Variants in METTL15 observed in about 807,000 individuals in gnomAD.
METTL15 encodes methyltransferase 15, mitochondrial 12S rRNA N4-cytidine, also known as 12S rRNA N(4)-cytidine methyltransferase METTL15.
In METTL15, 34 loss-of-function variants were observed where a neutral mutation model predicts 38.3. The observed-to-expected ratio is 0.89, with a 90% CI of 0.68 to 1.18. METTL15 has a LOEUF of 1.18. METTL15 is among the 50% of genes most tolerant of loss of function. The pLI is 0.00. For synonymous variants in METTL15, 162 were observed against 170.9 expected (o/e 0.95, Z 0.41); for missense variants, 438 against 498.4 (o/e 0.88, Z 1.15).
chr11:28,122,206 A>G, intron 3 of METTL15: 1 of 1,246,708 alleles, frequency 8.0e-7, no homozygotes, highest in South Asian at 1.4e-5. Flanking sequence ...TTTTAAAATG[A>G]GAATGTTTAT....
chr11:28,338,428 A>G (rs1193791128), downstream of METTL15, among the ~76,000 whole-genome samples: 1 of 152,080 alleles, frequency 6.6e-6, no homozygotes, highest in East Asian at 1.9e-4. Context: ...TCTCTACAAG[A>G]TTTGATCATG....
At chr11:28,368,231 A>T (rs1850208156) in intron 5 of METTL15, among the ~76,000 whole-genome samples, 1 of 152,032 alleles carries the variant, frequency 6.6e-6, no homozygotes, top group Non-Finnish European at 1.5e-5. Flanking sequence ...AGAATGGGAG[A>T]AAAGTTTTGC....
chr11:28,465,117 C>A (rs1317417467), intron 6 of METTL15, among the ~76,000 whole-genome samples: 2 of 152,186 alleles, frequency 1.3e-5, no homozygotes, highest in Admixed American at 1.3e-4. Context: ...TTCCCCTTGG[C>A]ATTTTCTTAT....
intron 4 of METTL15, among the ~76,000 whole-genome samples, chr11:28,255,181 C>A (rs1377579771): frequency 6.6e-6 from 1 of 152,004 alleles, no homozygotes; most frequent in Non-Finnish European, 1.5e-5. Context: ...TCTTTCACTA[C>A]TTTGGTTAAA....
chr11:28,326,488 TG>T (rs1849637878), intron 6 of METTL15, among the ~76,000 whole-genome samples: 5 of 152,148 alleles, frequency 3.3e-5, no homozygotes, highest in African/African-American at 1.2e-4. Context: ...CCTTTGTGGT[TG>T]GATTATTTTT....
chr11:28,444,066 C>T (rs960373988), intron 6 of METTL15, among the ~76,000 whole-genome samples: 1 of 152,144 alleles, frequency 6.6e-6, no homozygotes, highest in Non-Finnish European at 1.5e-5. Context: ...ATTATCATTA[C>T]ATGGGGAGAT....
At chr11:28,256,479 A>G (rs997198196) in intron 4 of METTL15, among the ~76,000 whole-genome samples, 3 of 152,060 alleles carry the variant, frequency 2.0e-5, no homozygotes, top group African/African-American at 4.8e-5. Flanking sequence ...AGATTTTTCA[A>G]TTTATTGGCA....
intron 5 of METTL15, among the ~76,000 whole-genome samples, chr11:28,290,907 T>C (rs556876680): frequency 1.5e-4 from 23 of 152,176 alleles, no homozygotes; most frequent in Non-Finnish European, 3.2e-4. Context: ...TAATTTATGA[T>C]ATGATATCAA....
intron 3 of METTL15, among the ~76,000 whole-genome samples, chr11:28,130,858 A>T (rs1298883284): frequency 6.6e-6 from 1 of 152,218 alleles, no homozygotes; most frequent in Non-Finnish European, 1.5e-5. Flanking sequence ...AGTGTATATT[A>T]ATTAAATCCT....
intron 4 of METTL15, among the ~76,000 whole-genome samples, chr11:28,281,126 C>A (rs1219713526): frequency 1.3e-5 from 2 of 152,242 alleles, no homozygotes; most frequent in Admixed American, 6.5e-5. Flanking sequence ...CCTCCAGATA[C>A]CACTTAATGT....
At position 28,404,238 on chromosome 11, in the gene METTL15, C is replaced by T. The variant is rs373098334; in HGVS notation, c.*359-20061C>T. 6.6e-5 allele frequency among the ~76,000 whole-genome samples: 10 copies of T among 152,114 alleles called. No individual in the cohort carries two copies. The East Asian group carries it at 7.7e-4, about 12-fold the overall frequency. On this transcript the variant is annotated intron_variant and NMD_transcript_variant, in intron 5 of 7. Coordinates refer to the METTL15 transcript ENST00000532947. Reference sequence around the variant, plus strand: ...AAAAAGAAATTGTTACACACAGTTCCGTGGGGTCCAAGGATCCTGCCATAC... The same window carrying T: ...AAAAAGAAATTGTTACACACAGTTCTGTGGGGTCCAAGGATCCTGCCATAC...
Position 28,404,657 on chromosome 11 carries a change from A to G in METTL15, c.*359-19642A>G, listed in dbSNP as rs565363440. 1.1e-4 allele frequency among the ~76,000 whole-genome samples: 17 copies of G among 152,204 alleles called. No individual in the cohort carries two copies. The South Asian group carries it at 3.5e-3, about 31-fold the overall frequency. ...AGGGGACACAAATATTCAGATTATA[A>G]CAGACCCTTTGAAGCTTAGTATCCC... On this transcript the variant is annotated intron_variant and NMD_transcript_variant, in intron 5 of 7. Coordinates refer to the METTL15 transcript ENST00000532947.
At chr11:28,371,711 C>A (rs1034468638) in intron 5 of METTL15, among the ~76,000 whole-genome samples, 1 of 151,942 alleles carries the variant, frequency 6.6e-6, no homozygotes, top group Non-Finnish European at 1.5e-5. Flanking sequence ...CCTTTCACTT[C>A]TTTGCTTAAA....
intron 4 of METTL15, among the ~76,000 whole-genome samples, chr11:28,268,428 A>G (rs906833598): frequency 6.6e-6 from 1 of 152,058 alleles, no homozygotes. Flanking sequence ...ATAGCAAGAC[A>G]CTGGTATAGA....
At chr11:28,340,633 C>A (rs567252958) in intron 3 of METTL15, among the ~76,000 whole-genome samples, 1 of 152,140 alleles carries the variant, frequency 6.6e-6, no homozygotes, top group African/African-American at 2.4e-5. Context: ...TACCATCTCA[C>A]GCCAGCTAGA....
chr11:28,153,282 C>T (rs766268705), intron 3 of METTL15, among the ~76,000 whole-genome samples: 32 of 152,230 alleles, frequency 2.1e-4, no homozygotes, highest in Non-Finnish European at 2.9e-4. Context: ...GACATAACTA[C>T]GCACATCCTC....
At chr11:28,306,936 A>G (rs1857102347) in intron 6 of METTL15, among the ~76,000 whole-genome samples, 1 of 152,000 alleles carries the variant, frequency 6.6e-6, no homozygotes, top group Non-Finnish European at 1.5e-5. Context: ...TGGAATATCT[A>G]GGAAATGTGT....
chr11:28,407,991 T>C (rs752151541), intron 5 of METTL15, among the ~76,000 whole-genome samples: 3 of 152,122 alleles, frequency 2.0e-5, no homozygotes, highest in East Asian at 1.9e-4. Flanking sequence ...AGGAACAAGA[T>C]TGTGGCCTTT....
intron 6 of METTL15, among the ~76,000 whole-genome samples, chr11:28,509,912 G>T (rs1162483069): frequency 6.6e-6 from 1 of 151,180 alleles, no homozygotes; most frequent in Non-Finnish European, 1.5e-5. Context: ...TGGCTGCCAG[G>T]TATCATTTTT....
Sources: allele counts gnomAD v4.1 joint callset (sites outside exome capture counted in the v4.1 genomes callset), GRCh38; gene constraint gnomAD v4.1.1; transcripts MANE v1.5; gene names NCBI Gene and HGNC (gene_info 2026-07-23, HGNC 2026-07-21).